Variants in PIKFYVE observed in about 807,000 individuals in gnomAD.
PIKFYVE encodes phosphoinositide kinase, FYVE-type zinc finger containing.
Under a neutral mutation model 257.9 loss-of-function variants are expected in PIKFYVE, and 122 were observed. The ratio of observed to expected loss-of-function variants is 0.47; its 90% CI spans 0.41 to 0.55. The LOEUF is 0.55. PIKFYVE is among the 20% of genes least tolerant of loss of function. The pLI, the probability that PIKFYVE is intolerant of heterozygous loss-of-function variation, is 0.00. For missense variants in PIKFYVE, 2,160 were observed against 2,536.6 expected, an observed-to-expected ratio of 0.85 and a Z score of 3.19; for synonymous variants, 892 against 868.9, an observed-to-expected ratio of 1.03 and a Z score of -0.47.
intron 23 of PIKFYVE, among the ~76,000 whole-genome samples, chr2:208,331,578 C>G (rs565508955): frequency 6.6e-6 from 1 of 152,250 alleles, no homozygotes; most frequent in Admixed American, 6.5e-5. Flanking sequence ...GGTTTCACTA[C>G]GTTAGCCAGG....
At chr2:208,313,978 C>T (rs1286368802) in intron 13 of PIKFYVE, among the ~76,000 whole-genome samples, 2 of 152,180 alleles carry the variant, frequency 1.3e-5, no homozygotes, top group Non-Finnish European at 2.9e-5. Flanking sequence ...AGAAGCTGTG[C>T]TTATAATTAT....
At chr2:208,310,866 T>C (rs908464480) in intron 12 of PIKFYVE, among the ~76,000 whole-genome samples, 1 of 152,136 alleles carries the variant, frequency 6.6e-6, no homozygotes, top group Admixed American at 6.5e-5. Flanking sequence ...TTGGAGACAG[T>C]TGGATAAACT....
chr2:208,317,811 C>A (rs1489424355), intron 15 of PIKFYVE, 56 bp from the exon 16 acceptor site: 3 of 1,449,668 alleles, frequency 2.1e-6, no homozygotes, highest in African/African-American at 2.8e-5. Context: ...GTACATCTAA[C>A]TAGATTCTAA....
intron 23 of PIKFYVE, among the ~76,000 whole-genome samples, chr2:208,332,160 A>AT (rs1697617428): frequency 6.6e-6 from 1 of 152,200 alleles, no homozygotes; most frequent in Admixed American, 6.5e-5. Flanking sequence ...AAAAATGGGC[A>AT]GAGGACATGA....
At chr2:208,277,450 CA>C in intron 4 of PIKFYVE, 86 bp from the exon 5 acceptor site, 1 of 1,460,008 alleles carries the variant, frequency 6.8e-7, no homozygotes, top group Non-Finnish European at 9.6e-7. Context: ...TTGTTTTCTG[CA>C]AAAGAAACCT....
At chr2:208,288,046 G>A (rs894047791) in intron 6 of PIKFYVE, among the ~76,000 whole-genome samples, 8 of 152,134 alleles carry the variant, frequency 5.3e-5, no homozygotes, top group Admixed American at 4.6e-4. Context: ...ACTTTAGTTA[G>A]TAATGCTTTT....
At chr2:208,298,963 C>G (rs1693339350) in intron 8 of PIKFYVE, among the ~76,000 whole-genome samples, 184 bp downstream of exon 8, 1 of 152,100 alleles carries the variant, frequency 6.6e-6, no homozygotes, top group Admixed American at 6.6e-5. Flanking sequence ...GTGCCTTAGT[C>G]TCCTGAGTAG....
chr2:208,328,356 A>T (rs1697173056), intron 21 of PIKFYVE, 76 bp downstream of exon 21: 2 of 1,574,114 alleles, frequency 1.3e-6, no homozygotes, highest in Non-Finnish European at 1.7e-6. Context: ...AAAACAAAAA[A>T]ACAGTCATTA....
rs766660358 is a variant in PIKFYVE, at chr2:208,324,223, C to T, written c.2272C>T (p.Arg758Trp). 1.1e-5 allele frequency: 18 copies of T among 1,613,836 alleles called. No individual in the cohort carries two copies. The highest frequency in any genetic ancestry group is 1.5e-5 in the Non-Finnish European group (18 of 1,179,840). ...GGTTCTTGTTGAGAAAACAGTGTCT[C>T]GGATTGCCCAGGACATGTTATTGGA... ...TLVLVEKTVS[R>W]IAQDMLLEHG... Residue 758 changes from arginine to tryptophan, a missense_variant, in exon 18 of 42, where the codon CGG becomes TGG. Transcript: ENST00000264380.
chr2:208,311,978 A>G (rs1400649992), intron 12 of PIKFYVE, among the ~76,000 whole-genome samples: 1 of 152,188 alleles, frequency 6.6e-6, no homozygotes, highest in African/African-American at 2.4e-5. Flanking sequence ...TCTCTATCTG[A>G]CATTTGAATT....
At chr2:208,342,681 T>C in intron 32 of PIKFYVE, 32 bp downstream of exon 32, 4 of 1,505,840 alleles carry the variant, frequency 2.7e-6, no homozygotes, top group African/African-American at 2.7e-5. Context: ...CTTATGATGA[T>C]ATCTATGTAT....
chr2:208,325,346 T>C lies in PIKFYVE; in HGVS notation c.2535T>C (p.Ser845=), dbSNP rs138885638. ...GTACAATCAAGCTAAGAGGAGGCTCTGATTATGAGCTGGCTCGAGTTAAGG... is the reference window on the plus strand; with the variant it reads ...GTACAATCAAGCTAAGAGGAGGCTCCGATTATGAGCTGGCTCGAGTTAAGG... The part of the protein sequence containing the change: ...LGCTIKLRGG[S]DYELARVKEI... Residue 845 remains serine, a synonymous_variant, in exon 20 of 42, where the codon TCT becomes TCC. Transcript: ENST00000264380. 1.2e-3 allele frequency: 1,923 copies of C among 1,614,124 alleles called. 2 individuals carry two copies. Among genetic ancestry groups the C allele is most frequent in the Non-Finnish European group, 1.5e-3 (1,785 of 1,179,998 alleles).
intron 1 of PIKFYVE, among the ~76,000 whole-genome samples, chr2:208,271,034 T>C (rs1417945338): frequency 3.0e-5 from 4 of 133,048 alleles, no homozygotes; most frequent in African/African-American, 5.8e-5. Context: ...AGACTCCATC[T>C]CCAAAAAAAA....
At chr2:208,339,911 C>T in intron 30 of PIKFYVE, 100 bp from the exon 31 acceptor site, 1 of 1,321,426 alleles carries the variant, frequency 7.6e-7, no homozygotes, top group Non-Finnish European at 1.1e-6. Context: ...GTATAGTATA[C>T]ATATGTCCAT....
rs775052187 is a variant in PIKFYVE, at chr2:208,329,831, CTCT to C, written c.3720-6_3720-4del. The C allele has an allele frequency of 8.7e-6, 14 of 1,610,204 alleles. No homozygotes were observed. Among genetic ancestry groups the C allele is most frequent in the Non-Finnish European group, 1.2e-5 (14 of 1,177,524 alleles). Reference sequence around the variant, plus strand: ...AATTCTTATGTTTCTAAGAGGTGGTCTCTTCTTTAGGATTGTAACAATGGAATT... The same window carrying C: ...AATTCTTATGTTTCTAAGAGGTGGTCTCTTTAGGATTGTAACAATGGAATT... On this transcript the variant is annotated splice_region_variant and splice_polypyrimidine_tract_variant and intron_variant, in intron 21 of 41. Transcript: ENST00000264380.
At chr2:208,347,744 C>A in intron 34 of PIKFYVE, 115 bp from the exon 35 acceptor site, 1 of 879,730 alleles carries the variant, frequency 1.1e-6, no homozygotes, top group Non-Finnish European at 1.8e-6. Context: ...TTGCATTACT[C>A]AGATTGATTA....
chr2:208,327,172 G>A (rs983681928), intron 20 of PIKFYVE, among the ~76,000 whole-genome samples: 11 of 152,084 alleles, frequency 7.2e-5, no homozygotes, highest in African/African-American at 2.2e-4. Context: ...AAGGAAAGTC[G>A]TAAAAGACCC....
chr2:208,271,628 C>T lies in PIKFYVE; in HGVS notation c.109C>T (p.Gln37Ter). The T allele has an allele frequency of 6.2e-7, 1 of 1,614,076 alleles. No individual in the cohort carries two copies. Among genetic ancestry groups the T allele is most frequent in the Non-Finnish European group, 8.5e-7 (1 of 1,179,932 alleles). Residue 37 changes from glutamine to a stop codon, truncating the protein, a stop_gained, in exon 2 of 42, where the codon CAA becomes TAA. Coordinates refer to ENST00000264380, the MANE Select transcript of PIKFYVE (RefSeq NM_015040.4). LOFTEE classifies it high-confidence loss of function. The part of the protein sequence containing the change: ...LTHFKPLTPD[Q>*]DEPPFKSAYS... ...ACACTTTAAACCTTTGACTCCTGAT[C>T]AAGATGAGCCCCCTTTTAAATCAGC...
At chr2:208,343,197 T>G (rs1014055100) in intron 32 of PIKFYVE, among the ~76,000 whole-genome samples, 2 of 152,230 alleles carry the variant, frequency 1.3e-5, no homozygotes, top group African/African-American at 4.8e-5. Context: ...TGGCAAGTTA[T>G]TTACTGAGCC....
Sources: allele counts gnomAD v4.1 joint callset (sites outside exome capture counted in the v4.1 genomes callset), GRCh38; gene constraint gnomAD v4.1.1; transcripts MANE v1.5; gene names NCBI Gene and HGNC (gene_info 2026-07-23, HGNC 2026-07-21).